Variants in PLD3 observed in about 807,000 individuals in gnomAD.
PLD3 encodes phospholipase D family member 3, also known as 5'-3' exonuclease PLD3.
Under a neutral mutation model 58.4 loss-of-function variants are expected in PLD3, and 31 were observed. The ratio of observed to expected loss-of-function variants is 0.53; its 90% CI spans 0.40 to 0.72. The LOEUF (loss-of-function observed/expected upper bound fraction) is 0.72. PLD3 is among the 30% of genes least tolerant of loss of function. PLD3 has a pLI of 0.00. For missense variants in PLD3, 595 were observed against 659.8 expected, an observed-to-expected ratio of 0.90 and a Z score of 1.08; for synonymous variants, 264 against 273.4, an observed-to-expected ratio of 0.97 and a Z score of 0.34.
chr19:40,362,677 A>G (rs566919643), intron 1 of PLD3, among the ~76,000 whole-genome samples: 28 of 151,110 alleles, frequency 1.9e-4, no homozygotes, highest in Admixed American at 1.1e-3. Context: ...GGCTCAAGCA[A>G]TCCTCCCACC....
chr19:40,352,326 C>T (rs1044450315), intron 1 of PLD3, among the ~76,000 whole-genome samples: 83 of 152,176 alleles, frequency 5.5e-4, no homozygotes, highest in African/African-American at 1.9e-3. Flanking sequence ...GAAATGCTAA[C>T]GGAATTTTTG....
rs1027953000 is a variant in PLD3 at position 40,369,916 on chromosome 19, G to C, written c.438G>C (p.Glu146Asp). The change falls in exon 7 of 13, where the codon GAG (glutamate) becomes GAC (aspartate). Residue 146 changes from glutamate to aspartate, a missense_variant. Glu to Asp is a conservative substitution (Grantham distance 45). Transcript: ENST00000409735. ...TQEPSAQQGE[E>D]VLRQLQTLAP... ...CTCTCCCCTCCCCGCAGGGTGAGGA[G>C]GTCCTCCGGCAGCTGCAGACCCTGG... is the stretch of plus-strand genomic sequence containing the variant. 1 of 1,558,036 alleles carries C rather than the reference G, an allele frequency of 6.4e-7. No individual in the cohort carries two copies. Among genetic ancestry groups the C allele is most frequent in the South Asian group, 1.2e-5 (1 of 84,588 alleles).
intron 2 of PLD3, 124 bp from the exon 3 acceptor site, chr19:40,366,295 G>A: frequency 3.2e-6 from 2 of 631,276 alleles, no homozygotes; most frequent in Admixed American, 5.3e-5. Context: ...TCTTTTTGGG[G>A]TGGTGGGCAG....
chr19:40,354,038 C>T (rs1055622298), intron 1 of PLD3, among the ~76,000 whole-genome samples: 4 of 148,234 alleles, frequency 2.7e-5, no homozygotes, highest in Non-Finnish European at 5.9e-5. Context: ...GGGCTACAGG[C>T]GCATACCACC....
chr19:40,377,951 G>C, intron 12 of PLD3, 35 bp from the exon 13 acceptor site: 1 of 1,612,410 alleles, frequency 6.2e-7, no homozygotes, highest in Non-Finnish European at 8.5e-7. Flanking sequence ...GCGGCCCCCC[G>C]AGGGTGCCCT....
intron 6 of PLD3, among the ~76,000 whole-genome samples, chr19:40,368,296 A>G (rs2078979545): frequency 6.6e-6 from 1 of 152,186 alleles, no homozygotes; most frequent in South Asian, 2.1e-4. Context: ...AAATGGGGCC[A>G]ATTTATAGCA....
chr19:40,374,814 A>G (rs34135772), intron 10 of PLD3, 194 bp downstream of exon 10: 359 of 602,130 alleles, frequency 6.0e-4, no homozygotes, highest in Non-Finnish European at 9.6e-4. Context: ...GAGAGATTAC[A>G]GAGGAGACAG....
intron 8 of PLD3, chr19:40,371,327 C>G (rs1212259807): frequency 1.5e-5 from 4 of 259,068 alleles, no homozygotes. Flanking sequence ...GAGGGAATCC[C>G]AAGGGACTGT....
intron 9 of PLD3, among the ~76,000 whole-genome samples, chr19:40,373,137 G>A (rs1016815444): frequency 4.6e-5 from 7 of 152,208 alleles, no homozygotes; most frequent in Non-Finnish European, 7.3e-5. Flanking sequence ...CAGAGTCATC[G>A]TGGAAGGCAC....
At chr19:40,376,805 C>T (rs773979196) in intron 11 of PLD3, 31 bp downstream of exon 11, 5 of 1,589,114 alleles carry the variant, frequency 3.1e-6, no homozygotes, top group Non-Finnish European at 4.3e-6. Flanking sequence ...CCCCTTGGCC[C>T]CTGTGTGGGG....
rs1377614119 is a variant in PLD3 at position 40,365,832 on chromosome 19, GC to G, written c.-159del. On this transcript the variant is annotated 5_prime_UTR_variant, in exon 2 of 13. Coordinates refer to ENST00000409735, the MANE Select transcript of PLD3 (RefSeq NM_012268.4). ...AGTGGGCGGAGCTCCCACAGGCCCCGCCCCCTCCTCCCACCCTCGTTCAGCC... is the reference window on the plus strand; with the variant it reads ...AGTGGGCGGAGCTCCCACAGGCCCCGCCCCTCCTCCCACCCTCGTTCAGCC... 4 of 153,046 alleles carry G rather than the reference GC, an allele frequency of 2.6e-5. No individual in the cohort carries two copies. The highest frequency in any genetic ancestry group is 4.8e-5 in the African/African-American group (2 of 41,480). 9.5% of individuals were successfully genotyped at this position (153,046 alleles called of 1,614,324 possible).
At chr19:40,355,308 T>C (rs1328175800) in intron 1 of PLD3, among the ~76,000 whole-genome samples, 1 of 151,538 alleles carries the variant, frequency 6.6e-6, no homozygotes, top group African/African-American at 2.4e-5. Context: ...TTTTCCTTTT[T>C]TTTTTGTTTT....
intron 6 of PLD3, among the ~76,000 whole-genome samples, 168 bp downstream of exon 6, chr19:40,368,047 G>A (rs1024689023): frequency 1.3e-5 from 2 of 152,182 alleles, no homozygotes; most frequent in Non-Finnish European, 2.9e-5. Flanking sequence ...GTGGCTCTCT[G>A]GACTGGGGGC....
chr19:40,366,109 A>T, intron 2 of PLD3, 179 bp downstream of exon 2: 1 of 342,132 alleles, frequency 2.9e-6, no homozygotes, highest in Non-Finnish European at 5.4e-6. Flanking sequence ...CGCTGACCTC[A>T]TCCAGCGCTG....
intron 10 of PLD3, among the ~76,000 whole-genome samples, chr19:40,375,165 A>G (rs2079163126): frequency 6.6e-6 from 1 of 151,768 alleles, no homozygotes. Context: ...GTCTCAAAAA[A>G]ACAACAAAAA....
chr19:40,348,716 GC>G lies in PLD3; in HGVS notation c.-329del. On this transcript the variant is annotated 5_prime_UTR_variant, in exon 1 of 13. Transcript: ENST00000409735. ...GGAGGGGCCGTCAGGCGGGGATACA[GC>G]CTGGAAGGTGCGTGTGGGGCTGGGT... The G allele has an allele frequency of 1.8e-6, 1 of 565,526 alleles. No homozygotes were observed. The highest frequency in any genetic ancestry group is 4.4e-5 in the Admixed American group (1 of 22,602). The allele number at this position is 565,526 out of a possible 1,614,324, so 35.0% of individuals were successfully genotyped here.
chr19:40,377,675 G>A (rs945428951), intron 11 of PLD3, 111 bp from the exon 12 acceptor site: 5 of 755,772 alleles, frequency 6.6e-6, no homozygotes, highest in Admixed American at 4.2e-5. Flanking sequence ...AGGATTCTGT[G>A]GGAAGCAGTG....
At chr19:40,349,034 G>C (rs1244219438) in intron 1 of PLD3, among the ~76,000 whole-genome samples, 1 of 151,674 alleles carries the variant, frequency 6.6e-6, no homozygotes, top group Non-Finnish European at 1.5e-5. Context: ...AACTCCTCTT[G>C]TTGTCATCAA....
intron 1 of PLD3, chr19:40,356,564 A>C (rs1324761663): frequency 1.3e-5 from 2 of 152,840 alleles, no homozygotes; most frequent in Middle Eastern, 3.1e-3. Flanking sequence ...CTGGAGGAGG[A>C]GGCACCAAGG....
Sources: gnomAD v4.1 joint callset for allele counts (sites outside exome capture counted in the v4.1 genomes callset) on GRCh38, gnomAD v4.1.1 for gene constraint, MANE v1.5 for transcripts, NCBI Gene and HGNC (gene_info 2026-07-23, HGNC 2026-07-21) for gene names.